The following PRKN variants were observed in gnomAD, a reference collection of about 807,000 sequenced individuals.
PRKN encodes the protein E3 ubiquitin-protein ligase parkin.
PRKN carries 56 observed loss-of-function variants against 59.5 expected under a neutral mutation model. The observed-to-expected ratio is 0.94, with a 90% CI of 0.76 to 1.18. The LOEUF (loss-of-function observed/expected upper bound fraction) is 1.18, where lower values mean the gene tolerates loss of function less well. Among genes scored for constraint, PRKN ranks in the 50% most tolerant of loss-of-function variants. The pLI is 0.00. For synonymous variants in PRKN, 250 were observed against 222.1 expected (o/e 1.13, Z -1.12); for missense variants, 657 against 596.4 (o/e 1.10, Z -1.06).
chr6:162,045,886 C>A (rs576270050), intron 5 of PRKN, among the ~76,000 whole-genome samples: 1 of 152,206 alleles, frequency 6.6e-6, no homozygotes, highest in African/African-American at 2.4e-5. Context: ...AGAGTGACCT[C>A]CCATCTCTAA....
Position 161,388,795 on chromosome 6 carries a change from G to C in PRKN, c.1084-1918C>G, listed in dbSNP as rs146982966. The stretch of plus-strand genomic sequence containing the variant: ...GGAGCCCCACATGGAGAAGAGCTGC[G>C]GCCTCAGCCGCAACAATAGCCCTGT... On this transcript the variant is annotated intron_variant, in intron 9 of 11. Transcript: ENST00000366898. The surrounding 1 kb of genome is among the most constrained non-coding windows in gnomAD (Gnocchi z 4.3). 6.6e-6 allele frequency among the ~76,000 whole-genome samples: 1 copy of C among 152,190 alleles called. No homozygotes were observed. Among genetic ancestry groups the C allele is most frequent in the Non-Finnish European group, 1.5e-5 (1 of 68,036 alleles).
intron 9 of PRKN, among the ~76,000 whole-genome samples, chr6:161,465,179 C>G (rs1472184548): frequency 1.3e-5 from 2 of 152,188 alleles, no homozygotes; most frequent in Non-Finnish European, 2.9e-5. Flanking sequence ...TGCTTTAGGC[C>G]TTTCTGCCTC....
At chr6:161,971,195 T>G (rs1303065060) in intron 6 of PRKN, among the ~76,000 whole-genome samples, 2 of 152,204 alleles carry the variant, frequency 1.3e-5, no homozygotes, top group Non-Finnish European at 2.9e-5. Context: ...TATCACCCTG[T>G]GTATCTGGGA....
chr6:162,109,976 A>G (rs1172933443), intron 4 of PRKN, among the ~76,000 whole-genome samples: 1 of 152,240 alleles, frequency 6.6e-6, no homozygotes, highest in Non-Finnish European at 1.5e-5. Context: ...TTTAGTAAAC[A>G]CTGTCTAGAA....
At chr6:161,661,580 C>G (rs1784548569) in intron 7 of PRKN, among the ~76,000 whole-genome samples, 1 of 151,072 alleles carries the variant, frequency 6.6e-6, no homozygotes, top group African/African-American at 2.4e-5. Context: ...GTAGCAAGTG[C>G]TGTCTCATTT....
intron 6 of PRKN, among the ~76,000 whole-genome samples, chr6:161,803,127 T>C (rs1464778141): frequency 6.6e-6 from 1 of 152,216 alleles, no homozygotes; most frequent in African/African-American, 2.4e-5. Flanking sequence ...AGGGTATGTA[T>C]GCCTTATCTT....
chr6:162,692,649 T>A (rs561926415), intron 1 of PRKN, among the ~76,000 whole-genome samples: 4 of 151,402 alleles, frequency 2.6e-5, no homozygotes, highest in African/African-American at 9.7e-5. Context: ...CTATCACACA[T>A]CATTGCTGGG....
Position 162,085,885 on chromosome 6 carries a change from G to A in PRKN, c.535-31711C>T, listed in dbSNP as rs573156040. Among the ~76,000 whole-genome samples the A allele has an allele frequency of 1.6e-4, 25 of 151,516 alleles. No individual in the cohort carries two copies. In the South Asian group the frequency reaches 2.5e-3, roughly 15 times the overall value. ...TGAGAGATTTTATTGTTAAATAAAA[G>A]TGACAGGGGAAGCAACATAAAGTAT... is the stretch of plus-strand genomic sequence containing the variant. On this transcript the variant is annotated intron_variant, in intron 4 of 11. Transcript: ENST00000366898.
chr6:162,189,087 G>A (rs1784155442), intron 4 of PRKN, among the ~76,000 whole-genome samples: 1 of 151,696 alleles, frequency 6.6e-6, no homozygotes, highest in South Asian at 2.1e-4. Context: ...TTCTATAGGA[G>A]GGAATTGAGA....
chr6:162,681,101 CTG>C (rs575645921), intron 1 of PRKN, among the ~76,000 whole-genome samples: 72 of 152,282 alleles, frequency 4.7e-4, no homozygotes, highest in Non-Finnish European at 9.0e-4. Context: ...GAAGACTCCT[CTG>C]TGCTCAACAG....
At chr6:162,410,767 G>A (rs1478823496) in intron 2 of PRKN, among the ~76,000 whole-genome samples, 2 of 152,118 alleles carry the variant, frequency 1.3e-5, no homozygotes, top group African/African-American at 4.8e-5. Context: ...CCACTATCTT[G>A]GAGTTTGGCT....
intron 5 of PRKN, among the ~76,000 whole-genome samples, chr6:161,996,503 C>G (rs1250025222): frequency 6.6e-6 from 1 of 152,128 alleles, no homozygotes; most frequent in Non-Finnish European, 1.5e-5. Context: ...ACTGTAATCT[C>G]TAATGGTATT....
At chr6:161,861,345 T>G (rs1793888630) in intron 6 of PRKN, among the ~76,000 whole-genome samples, 1 of 152,146 alleles carries the variant, frequency 6.6e-6, no homozygotes, top group Non-Finnish European at 1.5e-5. Flanking sequence ...AAACAATGCA[T>G]GTTCTCACTC....
rs895694954 is a variant in PRKN at position 161,497,030 on chromosome 6, T to C, written c.1083+51824A>G. ...TTGTGGCACTTTATAATGGCAGCCC[T>C]AGGAGCAAATACATCAAGGCAGAAA... On this transcript the variant is annotated intron_variant, in intron 9 of 11. Transcript: ENST00000366898. The surrounding 1 kb of genome is among the most constrained non-coding windows in gnomAD (Gnocchi z 4.6). Among the ~76,000 whole-genome samples the C allele has an allele frequency of 1.1e-4, 16 of 152,130 alleles. No homozygotes were observed. Among genetic ancestry groups the C allele is most frequent in the Middle Eastern group, 3.2e-3 (1 of 316 alleles).
chr6:162,572,606 T>G (rs945168450), intron 1 of PRKN, among the ~76,000 whole-genome samples: 6 of 152,162 alleles, frequency 3.9e-5, no homozygotes, highest in African/African-American at 1.4e-4. Flanking sequence ...TTTGGGGCAC[T>G]GAAATATTCC....
chr6:162,115,965 C>T (rs988123858), intron 4 of PRKN, among the ~76,000 whole-genome samples: 5 of 152,076 alleles, frequency 3.3e-5, no homozygotes, highest in African/African-American at 7.2e-5. Flanking sequence ...TTTTACTTCC[C>T]GTCTCTATAA....
In PRKN at chr6:161,576,794, G is replaced by A. The variant is rs552564602; in HGVS notation, c.872-7378C>T. Reference sequence around the variant, plus strand: ...AGTGTTCATTTCTTATTGAGACCATGACACTGAAGCACAGATTTTTAGGAA... The same window carrying A: ...AGTGTTCATTTCTTATTGAGACCATAACACTGAAGCACAGATTTTTAGGAA... On this transcript the variant is annotated intron_variant, in intron 7 of 11. Transcript: ENST00000366898. This position sits in a 1 kb window ranked among gnomAD's most constrained non-coding sequence, Gnocchi z 4.6. Among the ~76,000 whole-genome samples, 3 of 152,348 alleles carry A rather than the reference G, an allele frequency of 2.0e-5. No individual in the cohort carries two copies. In the South Asian group the frequency reaches 6.2e-4, roughly 32 times the overall value.
At chr6:161,607,427 A>C (rs1161463705) in intron 7 of PRKN, among the ~76,000 whole-genome samples, 1 of 152,222 alleles carries the variant, frequency 6.6e-6, no homozygotes. Context: ...AAGACTTAAA[A>C]AAATCAAACA....
intron 1 of PRKN, among the ~76,000 whole-genome samples, chr6:162,591,185 C>A (rs2128214242): frequency 6.6e-6 from 1 of 151,988 alleles, no homozygotes; most frequent in East Asian, 1.9e-4. Flanking sequence ...CAGAGGTAGG[C>A]AAACACAGCT....
Sources: gnomAD v4.1 joint callset for allele counts (sites outside exome capture counted in the v4.1 genomes callset) on GRCh38, gnomAD v4.1.1 for gene constraint, Gnocchi (gnomAD v3.1) non-coding constraint, MANE v1.5 for transcripts, NCBI Gene and HGNC (gene_info 2026-07-23, HGNC 2026-07-21) for gene names.